CBLN2: variants seen among roughly 807,000 people sequenced by gnomAD.
CBLN2 encodes cerebellin 2 precursor.
CBLN2 carries 7 observed loss-of-function variants against 15.0 expected under a neutral mutation model. That is an observed-to-expected ratio of 0.47 (90% confidence interval 0.27 to 0.88). The LOEUF (loss-of-function observed/expected upper bound fraction) is 0.88, where lower values mean the gene tolerates loss of function less well. Among genes scored for constraint, CBLN2 ranks in the 40% least tolerant of loss-of-function variants. The pLI, the probability that CBLN2 is intolerant of heterozygous loss-of-function variation, is 0.14. For missense variants in CBLN2, 242 were observed against 304.5 expected, an observed-to-expected ratio of 0.79 and a Z score of 1.53; for synonymous variants, 149 against 135.2, an observed-to-expected ratio of 1.10 and a Z score of -0.71.
intron 1 of CBLN2, among the ~76,000 whole-genome samples, chr18:72,590,904 G>C (rs186014453): frequency 6.6e-6 from 1 of 152,260 alleles, no homozygotes; most frequent in Admixed American, 6.5e-5. Flanking sequence ...TTACTGTGTT[G>C]TCACATTTAT....
At chr18:72,560,746 C>A (rs1169125819) in intron 1 of CBLN2, among the ~76,000 whole-genome samples, 1 of 152,196 alleles carries the variant, frequency 6.6e-6, no homozygotes, top group Non-Finnish European at 1.5e-5. Flanking sequence ...TGGTGGCTCA[C>A]GCCTGTAATC....
chr18:72,601,560 C>T (rs528518179), intron 1 of CBLN2, among the ~76,000 whole-genome samples: 13 of 152,172 alleles, frequency 8.5e-5, no homozygotes, highest in Non-Finnish European at 1.5e-4. Flanking sequence ...CACGCCATTT[C>T]GCAGACCCTC....
chr18:72,559,721 G>A (rs915634242), intron 1 of CBLN2, among the ~76,000 whole-genome samples: 3 of 152,304 alleles, frequency 2.0e-5, no homozygotes, highest in South Asian at 4.1e-4. Flanking sequence ...CGAGGATAAG[G>A]CAATGCTGAG....
chr18:72,589,561 A>G (rs2069465706), intron 1 of CBLN2, among the ~76,000 whole-genome samples: 1 of 152,192 alleles, frequency 6.6e-6, no homozygotes, highest in Non-Finnish European at 1.5e-5. Flanking sequence ...GTAAAAATCA[A>G]AACAAGGTCA....
chr18:72,601,113 A>G (rs374781711), intron 1 of CBLN2, among the ~76,000 whole-genome samples: 2 of 152,028 alleles, frequency 1.3e-5, no homozygotes, highest in African/African-American at 4.8e-5. Flanking sequence ...CATAATCCGA[A>G]CCTTGTGGCT....
At chr18:72,615,886 G>C (rs1256115801) in intron 1 of CBLN2, among the ~76,000 whole-genome samples, 1 of 152,080 alleles carries the variant, frequency 6.6e-6, no homozygotes, top group African/African-American at 2.4e-5. Context: ...AGGTCCACTT[G>C]TATTAGTTTT....
chr18:72,538,166 G>A lies in CBLN2; in HGVS notation c.*10C>T, dbSNP rs59751882. 0.023 allele frequency: 37,077 copies of A among 1,613,870 alleles called. 5,357 individuals are homozygous for A. The East Asian group carries it at 0.46, about 20-fold the overall frequency. On this transcript the variant is annotated 3_prime_UTR_variant, in exon 5 of 5. Transcript: ENST00000269503. Reference sequence around the variant, plus strand: ...TTTGCCATTCCCCCACCATCTAGGGGGCTCTGTGTTTATAGAGGAAACACC... The same window carrying A: ...TTTGCCATTCCCCCACCATCTAGGGAGCTCTGTGTTTATAGAGGAAACACC...
chr18:72,591,384 G>A (rs1289513422), intron 1 of CBLN2, among the ~76,000 whole-genome samples: 3 of 152,052 alleles, frequency 2.0e-5, no homozygotes, highest in Non-Finnish European at 4.4e-5. Context: ...TGTGGTAAGT[G>A]TATATATTTA....
At chr18:72,617,712 G>A (rs566350516) in intron 1 of CBLN2, among the ~76,000 whole-genome samples, 11 of 152,234 alleles carry the variant, frequency 7.2e-5, no homozygotes, top group Admixed American at 3.3e-4. Flanking sequence ...AAATGCTGGC[G>A]TGAGTACAGA....
Position 72,543,179 on chromosome 18 carries a change from T to C in CBLN2, c.-167+307A>G, listed in dbSNP as rs2069131349. On this transcript the variant is annotated intron_variant, in intron 2 of 4. Transcript: ENST00000269503. This position sits in a 1 kb window ranked among gnomAD's most constrained non-coding sequence, Gnocchi z 6.8. ...GTTTCTGCGAACTTACGCGCCCGTC[T>C]GCACTTTTGCCCCGTCCCCGCTCCT... 1 of 275,868 alleles carries C rather than the reference T, an allele frequency of 3.6e-6. No individual in the cohort carries two copies. The highest frequency in any genetic ancestry group is 5.8e-5 in the East Asian group (1 of 17,158). The allele number at this position is 275,868 out of a possible 1,614,324, so 17.1% of individuals were successfully genotyped here. A position where few individuals can be genotyped will look rare whatever the true frequency, so the allele number is the denominator to read the frequency against.
At chr18:72,558,963 G>C (rs1453446881) in intron 1 of CBLN2, among the ~76,000 whole-genome samples, 1 of 152,176 alleles carries the variant, frequency 6.6e-6, no homozygotes, top group Non-Finnish European at 1.5e-5. Flanking sequence ...TCGGGGTGGG[G>C]AGAATCACCT....
At chr18:72,540,012 GT>G (rs1475856353) in intron 3 of CBLN2, 2 of 152,210 alleles carry the variant, frequency 1.3e-5, no homozygotes, top group African/African-American at 4.8e-5. Flanking sequence ...AAATATGCCT[GT>G]TTCAGCTTCT....
At position 72,542,001 on chromosome 18, in the gene CBLN2, C is replaced by A; in HGVS notation, c.160G>T (p.Asp54Tyr). 1 of 1,602,102 alleles carries A rather than the reference C, an allele frequency of 6.2e-7. No individual in the cohort carries two copies. Among genetic ancestry groups the A allele is most frequent in the Non-Finnish European group, 8.5e-7 (1 of 1,178,836 alleles). Reference protein sequence around the residue: ...PACCPVRAQNDTEPIVLEGKC... With the variant: ...PACCPVRAQNYTEPIVLEGKC... Reference sequence around the variant, plus strand: ...CCCTCCAGCACGATGGGCTCCGTGTCGTTCTGCGCCCGCACGGGGCAGCAG... The same window carrying A: ...CCCTCCAGCACGATGGGCTCCGTGTAGTTCTGCGCCCGCACGGGGCAGCAG... The change falls in exon 3 of 5, where the codon GAC (aspartate) becomes TAC (tyrosine). Residue 54 changes from aspartate to tyrosine, a missense_variant. Transcript: ENST00000269503.
At chr18:72,544,841 G>T (rs1342890774), upstream of CBLN2, among the ~76,000 whole-genome samples, 3 of 151,794 alleles carry the variant, frequency 2.0e-5, no homozygotes, top group African/African-American at 7.3e-5. Context: ...ACAGACAACT[G>T]GGCCGTATAG....
At chr18:72,571,649 G>C (rs143651401) in intron 1 of CBLN2, among the ~76,000 whole-genome samples, 104 of 152,280 alleles carry the variant, frequency 6.8e-4, no homozygotes, top group African/African-American at 2.4e-3. Flanking sequence ...GTCCACCACT[G>C]TCCGTGGCGA....
At chr18:72,595,005 T>G (rs2069503836) in intron 1 of CBLN2, among the ~76,000 whole-genome samples, 1 of 147,754 alleles carries the variant, frequency 6.8e-6, no homozygotes, top group Middle Eastern at 3.5e-3. Context: ...TTGTATTGTG[T>G]TTTTTTTTTC....
chr18:72,570,878 C>T (rs72634447), intron 1 of CBLN2, among the ~76,000 whole-genome samples: 1 of 151,876 alleles, frequency 6.6e-6, no homozygotes, highest in South Asian at 2.1e-4. Context: ...TGCAATGGAG[C>T]CACCAAGTAT....
intron 1 of CBLN2, among the ~76,000 whole-genome samples, chr18:72,634,843 T>G (rs2069801685): frequency 6.6e-6 from 1 of 152,200 alleles, no homozygotes; most frequent in Non-Finnish European, 1.5e-5. Context: ...ATTTCTCTTC[T>G]GCAAGCATGT....
intron 1 of CBLN2, among the ~76,000 whole-genome samples, chr18:72,630,260 G>A (rs2069766204): frequency 6.6e-6 from 1 of 152,050 alleles, no homozygotes; most frequent in South Asian, 2.1e-4. Context: ...AAGCTTAAGT[G>A]GGTCATAGAA....
Sources: allele counts gnomAD v4.1 joint callset (sites outside exome capture counted in the v4.1 genomes callset), GRCh38; gene constraint gnomAD v4.1.1; non-coding constraint Gnocchi (gnomAD v3.1); transcripts MANE v1.5; gene names NCBI Gene and HGNC (gene_info 2026-07-23, HGNC 2026-07-21).